Variants in MMP20 observed in about 807,000 individuals in gnomAD.
The protein encoded by MMP20 is matrix metalloproteinase-20.
A neutral mutation model predicts 51.8 loss-of-function variants in MMP20; 50 were observed. The ratio of observed to expected loss-of-function variants is 0.97; its 90% CI spans 0.77 to 1.22. The LOEUF (loss-of-function observed/expected upper bound fraction) is 1.22, where lower values mean the gene tolerates loss of function less well. Among genes scored for constraint, MMP20 ranks in the 50% most tolerant of loss-of-function variants. The pLI is 0.00. For missense variants in MMP20, 663 were observed against 601.4 expected (o/e 1.10, Z -1.07); for synonymous variants, 244 against 216.2 (o/e 1.13, Z -1.13).
chr11:102,595,525 G>A (rs1280451402), intron 6 of MMP20, among the ~76,000 whole-genome samples: 1 of 152,186 alleles, frequency 6.6e-6, no homozygotes, highest in Non-Finnish European at 1.5e-5. Flanking sequence ...TGAATAGTAT[G>A]TAAATGAACC....
At position 102,583,999 on chromosome 11, in the gene MMP20, A is replaced by T. The variant is rs76209683; in HGVS notation, c.1248-4857T>A. On this transcript the variant is annotated intron_variant, in intron 8 of 9. Coordinates refer to ENST00000260228, the MANE Select transcript of MMP20 (RefSeq NM_004771.4). ...GGCCAAATAATATTCCATTGTATGA[A>T]TTTATCACATTTTATATATCCATTC... Among the ~76,000 whole-genome samples the T allele has an allele frequency of 5.9e-3, 902 of 152,300 alleles. 49 individuals carry two copies. In the East Asian group the frequency reaches 0.14, roughly 23 times the overall value.
chr11:102,617,862 G>C (rs184083355), intron 1 of MMP20, among the ~76,000 whole-genome samples: 1 of 152,278 alleles, frequency 6.6e-6, no homozygotes, highest in Admixed American at 6.5e-5. Context: ...GCCTGCCTTT[G>C]GCTCAGGAAT....
At chr11:102,600,602 G>A (rs1036252641) in intron 6 of MMP20, among the ~76,000 whole-genome samples, 1 of 152,096 alleles carries the variant, frequency 6.6e-6, no homozygotes, top group Admixed American at 6.6e-5. Context: ...TCCCACCTCA[G>A]CCTCCTGAGA....
intron 8 of MMP20, among the ~76,000 whole-genome samples, chr11:102,582,219 A>G (rs1428036266): frequency 6.6e-6 from 1 of 152,050 alleles, no homozygotes; most frequent in Non-Finnish European, 1.5e-5. Context: ...TAGAACTTAG[A>G]TTTGTTAGGT....
At chr11:102,590,211 T>A (rs1036750011) in intron 8 of MMP20, among the ~76,000 whole-genome samples, 2 of 152,046 alleles carry the variant, frequency 1.3e-5, no homozygotes, top group African/African-American at 2.4e-5. Flanking sequence ...CCATAGGTAG[T>A]GGAAATAATG....
chr11:102,620,496 T>G (rs2135948910), intron 1 of MMP20, among the ~76,000 whole-genome samples: 1 of 127,532 alleles, frequency 7.8e-6, no homozygotes, highest in South Asian at 3.0e-4. Flanking sequence ...TCTTCCCCAC[T>G]TCCTCATTGT....
intron 4 of MMP20, 27 bp from the exon 5 acceptor site, chr11:102,609,125 A>T (rs1227970101): frequency 6.2e-7 from 1 of 1,609,624 alleles, no homozygotes; most frequent in Non-Finnish European, 8.5e-7. Context: ...AGAAAAAAAC[A>T]GTATCAACAC....
intron 8 of MMP20, among the ~76,000 whole-genome samples, chr11:102,588,937 C>T (rs1452051404): frequency 4.6e-5 from 7 of 151,826 alleles, no homozygotes; most frequent in Admixed American, 4.6e-4. Context: ...ACTAGTTTAT[C>T]TGGCTTCAAG....
chr11:102,590,446 C>T (rs2135932127), intron 8 of MMP20, among the ~76,000 whole-genome samples: 1 of 152,282 alleles, frequency 6.6e-6, no homozygotes, highest in East Asian at 1.9e-4. Context: ...GACATGGGTC[C>T]TCCCTTTTAG....
chr11:102,624,739 T>C (rs146502169), intron 1 of MMP20, among the ~76,000 whole-genome samples: 1 of 152,314 alleles, frequency 6.6e-6, no homozygotes, highest in East Asian at 1.9e-4. Flanking sequence ...AGGGTTACCT[T>C]GAATATAAGA....
At chr11:102,587,397 G>A (rs1859266795) in intron 8 of MMP20, among the ~76,000 whole-genome samples, 1 of 152,116 alleles carries the variant, frequency 6.6e-6, no homozygotes, top group Non-Finnish European at 1.5e-5. Flanking sequence ...AATGTTCCAT[G>A]TTCACTTGAA....
chr11:102,609,913 C>A lies in MMP20; in HGVS notation c.641G>T (p.Gly214Val), dbSNP rs1859574030. ...HFDNAEKWTM[G>V]TNGFNLFTVA... ...GAATTGTGCATATATACCATTCGTT[C>A]CCATAGTCCACTTCTCAGCATTGTC... The change falls in exon 4 of 10, where the codon GGA becomes GTA. Residue 214 changes from glycine (G) to valine (V), a missense_variant. Physicochemically the swap from Gly to Val is moderately radical, Grantham distance 109. Transcript: ENST00000260228. 1 of 1,614,142 alleles carries A rather than the reference C, an allele frequency of 6.2e-7. No homozygotes were observed. Among genetic ancestry groups the A allele is most frequent in the African/African-American group, 1.3e-5 (1 of 75,016 alleles).
In MMP20 at chr11:102,594,748, C is replaced by G; in HGVS notation, c.963G>C (p.Trp321Cys). The part of the protein sequence containing the change: ...ELLLFKDRIF[W>C]RRQVHLRTGI... Reference sequence around the variant, plus strand: ...CTGTCCGCAAGTGAACCTGCCGTCTCCAGAAAATCCTATGGGACATTCCAA... The same window carrying G: ...CTGTCCGCAAGTGAACCTGCCGTCTGCAGAAAATCCTATGGGACATTCCAA... The change falls in exon 7 of 10, where the codon TGG becomes TGC. Residue 321 changes from tryptophan to cysteine, a missense_variant. Trp to Cys is a radical substitution (Grantham distance 215). Coordinates refer to ENST00000260228, the MANE Select transcript of MMP20 (RefSeq NM_004771.4). 6.2e-7 allele frequency: 1 copy of G among 1,601,334 alleles called. No individual in the cohort carries two copies. The highest frequency in any genetic ancestry group is 8.5e-7 in the Non-Finnish European group (1 of 1,176,980).
chr11:102,579,934 TG>T (rs1255481113), intron 8 of MMP20, among the ~76,000 whole-genome samples: 1 of 152,238 alleles, frequency 6.6e-6, no homozygotes, highest in African/African-American at 2.4e-5. Context: ...CTTTTATTCA[TG>T]AACTTAGTGC....
At chr11:102,614,020 C>G (rs1038956163) in intron 2 of MMP20, among the ~76,000 whole-genome samples, 4 of 152,224 alleles carry the variant, frequency 2.6e-5, no homozygotes, top group Admixed American at 2.6e-4. Flanking sequence ...GAATCAGGGT[C>G]TGGAGCTTGA....
At chr11:102,604,410 A>C (rs1859487348) in intron 6 of MMP20, among the ~76,000 whole-genome samples, 1 of 152,236 alleles carries the variant, frequency 6.6e-6, no homozygotes, top group African/African-American at 2.4e-5. Flanking sequence ...TCAGAAAATT[A>C]ATAACACAAA....
At chr11:102,623,676 AT>A (rs1859779990) in intron 1 of MMP20, among the ~76,000 whole-genome samples, 2 of 152,350 alleles carry the variant, frequency 1.3e-5, no homozygotes, top group Admixed American at 1.3e-4. Context: ...AACCTCTGCC[AT>A]TGTGGCACAA....
Position 102,606,690 on chromosome 11 carries a change from T to A in MMP20, c.812-14A>T. ...CTTTCCGAGGTCCTAGGATTCAAAA[T>A]GAGTTGGTCAAAATGGTAACGGGAA... On this transcript the variant is annotated splice_polypyrimidine_tract_variant and intron_variant, in intron 5 of 9. Transcript: ENST00000260228. The A allele has an allele frequency of 1.2e-6, 2 of 1,613,712 alleles. No homozygotes were observed. The highest frequency in any genetic ancestry group is 2.2e-5 in the East Asian group (1 of 44,886).
At chr11:102,593,686 G>C in intron 7 of MMP20, 91 bp from the exon 8 acceptor site, 2 of 1,390,900 alleles carry the variant, frequency 1.4e-6, no homozygotes, top group South Asian at 2.3e-5. Context: ...CTTAAATGGG[G>C]TTAGTTTATG....
Sources: allele counts gnomAD v4.1 joint callset (sites outside exome capture counted in the v4.1 genomes callset), GRCh38; gene constraint gnomAD v4.1.1; transcripts MANE v1.5; gene names NCBI Gene and HGNC (gene_info 2026-07-23, HGNC 2026-07-21).